Variants in NFIX observed in about 807,000 individuals in gnomAD.
NFIX encodes nuclear factor 1 X-type.
NFIX carries 2 observed loss-of-function variants against 53.3 expected under a neutral mutation model. The ratio of observed to expected loss-of-function variants is 0.04; its 90% CI spans 0.02 to 0.12. NFIX has a LOEUF of 0.12. Among genes scored for constraint, NFIX ranks in the 10% least tolerant of loss-of-function variants. NFIX has a pLI of 1.00. For synonymous variants in NFIX, 244 were observed against 289.0 expected, an observed-to-expected ratio of 0.84 and a Z score of 1.58; for missense variants, 310 against 674.5, an observed-to-expected ratio of 0.46 and a Z score of 5.99.
In NFIX at chr19:13,021,599, G is replaced by A. The variant is rs2012955362; in HGVS notation, c.28-3422G>A. On this transcript the variant is annotated intron_variant, in intron 1 of 10. Coordinates refer to ENST00000592199, the MANE Select transcript of NFIX (RefSeq NM_001365902.3). This position sits in a 1 kb window ranked among gnomAD's most constrained non-coding sequence, Gnocchi z 4.2. ...AGGGAGAGGGCGGCTGTAGGGATGG[G>A]GTTCTGAGTGGAATTGGATCCCTTT... Among the ~76,000 whole-genome samples the A allele has an allele frequency of 6.6e-6, 1 of 152,174 alleles. No individual in the cohort carries two copies. The highest frequency in any genetic ancestry group is 6.5e-5 in the Admixed American group (1 of 15,280).
Position 13,014,802 on chromosome 19 carries a change from T to C in NFIX, c.28-10219T>C, listed in dbSNP as rs1185932743. On this transcript the variant is annotated intron_variant, in intron 1 of 10. Transcript: ENST00000592199. This position sits in a 1 kb window ranked among gnomAD's most constrained non-coding sequence, Gnocchi z 4.4. The stretch of plus-strand genomic sequence containing the variant: ...CCAGGGCCAGTGGCTGAGCACGGCC[T>C]GGAGAGATGTGGGAGTTGGGGAAAG... Among the ~76,000 whole-genome samples the C allele has an allele frequency of 1.3e-5, 2 of 152,112 alleles. No homozygotes were observed. The highest frequency in any genetic ancestry group is 4.8e-5 in the African/African-American group (2 of 41,428).
rs367872888 is a variant in NFIX, at chr19:13,067,506, A to G, written c.560-5541A>G. Among the ~76,000 whole-genome samples the G allele has an allele frequency of 1.1e-4, 13 of 122,496 alleles. No homozygotes were observed. The highest frequency in any genetic ancestry group is 4.9e-4 in the South Asian group (2 of 4,046). 80.4% of individuals were successfully genotyped at this position (122,496 alleles called of 152,430 possible). On this transcript the variant is annotated intron_variant, in intron 2 of 10. Transcript: ENST00000592199. This position sits in a 1 kb window ranked among gnomAD's most constrained non-coding sequence, Gnocchi z 4.2. ...TGCGTGTGTGTGTGTGTGTGTGTGT[A>G]TGTGTGTGTCTGAGTCTGAGCATAT...
Position 13,009,894 on chromosome 19 carries a change from C to T in NFIX, c.27+14030C>T, listed in dbSNP as rs981312150. Among the ~76,000 whole-genome samples, 4 of 152,086 alleles carry T rather than the reference C, an allele frequency of 2.6e-5. No individual in the cohort carries two copies. Among genetic ancestry groups the T allele is most frequent in the South Asian group, 2.1e-4 (1 of 4,828 alleles). The stretch of plus-strand genomic sequence containing the variant: ...GGGGGATTTGGTGGTAGAACGGGGC[C>T]GGGGGTCTTCAAAGGCAGAGAAGTC... On this transcript the variant is annotated intron_variant, in intron 1 of 10. Transcript: ENST00000592199. The surrounding 1 kb of genome is among the most constrained non-coding windows in gnomAD (Gnocchi z 4.7).
Position 13,037,346 on chromosome 19 carries a change from C to T in NFIX, c.559+11794C>T, listed in dbSNP as rs546275385. Among the ~76,000 whole-genome samples, 20 of 152,288 alleles carry T rather than the reference C, an allele frequency of 1.3e-4. No homozygotes were observed. The East Asian group carries it at 2.9e-3, about 22-fold the overall frequency. On this transcript the variant is annotated intron_variant, in intron 2 of 10. Transcript: ENST00000592199. The surrounding 1 kb of genome is among the most constrained non-coding windows in gnomAD (Gnocchi z 4.2). ...GGGCATGACCACTTCCCCTACCAGA[C>T]GTAGTAGGCCAGTTTCAGCCTTAGT... is the stretch of plus-strand genomic sequence containing the variant.
intron 2 of NFIX, among the ~76,000 whole-genome samples, chr19:13,055,205 C>T (rs1473730390): frequency 6.6e-6 from 1 of 152,004 alleles, no homozygotes. Context: ...CCCATCCAAG[C>T]GCCAGGCACA....
chr19:13,045,437 G>A lies in NFIX; in HGVS notation c.559+19885G>A, dbSNP rs182874087. 1.1e-3 allele frequency among the ~76,000 whole-genome samples: 162 copies of A among 152,188 alleles called. No individual in the cohort carries two copies. The highest frequency in any genetic ancestry group is 3.6e-3 in the African/African-American group (151 of 41,496). On this transcript the variant is annotated intron_variant, in intron 2 of 10. Coordinates refer to ENST00000592199, the MANE Select transcript of NFIX (RefSeq NM_001365902.3). The surrounding 1 kb of genome is among the most constrained non-coding windows in gnomAD (Gnocchi z 4.4). ...GTGGGTGGAGGCTGGGATGCTGCTA[G>A]CTGTCCTACACTGCACAAGACGACC...
chr19:13,084,822 C>A (rs762580531), intron 8 of NFIX, among the ~76,000 whole-genome samples: 9 of 152,118 alleles, frequency 5.9e-5, no homozygotes, highest in Non-Finnish European at 1.3e-4. Context: ...GTAATCCCAG[C>A]ACTTTGGGAG....
rs1332291949 is a variant in NFIX, at chr19:13,067,138, G to A, written c.560-5909G>A. Among the ~76,000 whole-genome samples the A allele has an allele frequency of 1.8e-4, 27 of 152,230 alleles. No individual in the cohort carries two copies. The highest frequency in any genetic ancestry group is 1.8e-3 in the Admixed American group (27 of 15,290). On this transcript the variant is annotated intron_variant, in intron 2 of 10. Transcript: ENST00000592199. The surrounding 1 kb of genome is among the most constrained non-coding windows in gnomAD (Gnocchi z 4.2). ...GACGCTCCAGAATCTCAGAGGAAGC[G>A]GGAGAGAAGTAGGAGGCGGGTGCAG...
Position 13,073,791 on chromosome 19 carries a change from C to T in NFIX, c.698-115C>T. The stretch of plus-strand genomic sequence containing the variant: ...CCAGATGGCCCACTTTCTCCCATCT[C>T]CTGGCCCCACAGTAAACTCACCCTG... On this transcript the variant is annotated intron_variant, in intron 4 of 10. Coordinates refer to ENST00000592199, the MANE Select transcript of NFIX (RefSeq NM_001365902.3). This position sits in a 1 kb window ranked among gnomAD's most constrained non-coding sequence, Gnocchi z 4.5. 1 of 1,417,530 alleles carries T rather than the reference C, an allele frequency of 7.1e-7. No individual in the cohort carries two copies. The highest frequency in any genetic ancestry group is 2.4e-5 in the East Asian group (1 of 40,900). 87.8% of individuals were successfully genotyped at this position (1,417,530 alleles called of 1,614,324 possible). A position where few individuals can be genotyped will look rare whatever the true frequency, so the allele number is the denominator to read the frequency against.
rs1361942807 is a variant in NFIX at position 13,025,145 on chromosome 19, A to G, written c.152A>G (p.Asp51Gly). 2 of 1,614,112 alleles carry G rather than the reference A, an allele frequency of 1.2e-6. No individual in the cohort carries two copies. The highest frequency in any genetic ancestry group is 1.7e-6 in the Non-Finnish European group (2 of 1,180,054). ...AAGCATGAAAAGCGGATGTCGAAGG[A>G]CGAGGAGCGGGCGGTGAAGGACGAG... The part of the protein sequence containing the change: ...FKKHEKRMSK[D>G]EERAVKDELL... The change falls in exon 2 of 11, where the codon GAC becomes GGC. Residue 51 changes from aspartate (D) to glycine (G), a missense_variant. Coordinates refer to ENST00000592199, the MANE Select transcript of NFIX (RefSeq NM_001365902.3). The surrounding 1 kb of genome is among the most constrained non-coding windows in gnomAD (Gnocchi z 7.5).
chr19:13,024,953 C>A (rs1318724344), intron 1 of NFIX, 68 bp from the exon 2 acceptor site: 2 of 1,543,348 alleles, frequency 1.3e-6, no homozygotes, highest in African/African-American at 2.7e-5. Flanking sequence ...TCTCTCTTTC[C>A]CCCTCATCCC....
At chr19:13,020,609 A>G (rs975830065) in intron 1 of NFIX, among the ~76,000 whole-genome samples, 3 of 152,076 alleles carry the variant, frequency 2.0e-5, no homozygotes, top group East Asian at 1.9e-4. Context: ...ACAATTGACA[A>G]TTGTTCTTCC....
Position 13,073,556 on chromosome 19 carries a change from C to A in NFIX, c.697+60C>A. The A allele has an allele frequency of 6.9e-7, 1 of 1,455,694 alleles. No individual in the cohort carries two copies. The highest frequency in any genetic ancestry group is 1.4e-5 in the African/African-American group (1 of 71,768). The allele number at this position is 1,455,694 out of a possible 1,614,324, so 90.2% of individuals were successfully genotyped here. On this transcript the variant is annotated intron_variant, in intron 4 of 10. Transcript: ENST00000592199. The surrounding 1 kb of genome is among the most constrained non-coding windows in gnomAD (Gnocchi z 4.5). ...GATTGAAAGTGAGGAGGTGGGACCT[C>A]ATGGGATGTCCTCCTAATGGGGTCT...
chr19:13,054,057 C>T (rs866452144), intron 2 of NFIX, among the ~76,000 whole-genome samples: 3 of 152,210 alleles, frequency 2.0e-5, no homozygotes, highest in South Asian at 2.1e-4. Flanking sequence ...GCTCCTCCCC[C>T]ACCCAGCCTG....
chr19:13,017,465 G>T (rs1343097829), intron 1 of NFIX, among the ~76,000 whole-genome samples: 2 of 152,220 alleles, frequency 1.3e-5, no homozygotes, highest in Non-Finnish European at 2.9e-5. Context: ...GGACCGAGGG[G>T]TGCCAGGCCG....
intron 2 of NFIX, among the ~76,000 whole-genome samples, chr19:13,059,665 T>A (rs2015929519): frequency 6.6e-6 from 1 of 150,448 alleles, no homozygotes; most frequent in Non-Finnish European, 1.5e-5. Context: ...GGAACCCTAC[T>A]GGAGTGGCCA....
chr19:13,054,816 G>A (rs1237743519), intron 2 of NFIX, among the ~76,000 whole-genome samples: 1 of 152,082 alleles, frequency 6.6e-6, no homozygotes, highest in African/African-American at 2.4e-5. Context: ...CCAGCTTTTG[G>A]AGAACACTTT....
intron 2 of NFIX, among the ~76,000 whole-genome samples, chr19:13,035,546 C>T (rs1018246862): frequency 2.0e-5 from 3 of 152,014 alleles, no homozygotes; most frequent in African/African-American, 7.3e-5. Context: ...GCATGAGACA[C>T]GGAGACCAGA....
chr19:13,079,678 G>A (rs922545628), intron 7 of NFIX, among the ~76,000 whole-genome samples: 1 of 152,036 alleles, frequency 6.6e-6, no homozygotes, highest in Non-Finnish European at 1.5e-5. Flanking sequence ...AGGTGGGGGT[G>A]GGGAGCCCAG....
Sources: gnomAD v4.1 joint callset for allele counts (sites outside exome capture counted in the v4.1 genomes callset) on GRCh38, gnomAD v4.1.1 for gene constraint, Gnocchi (gnomAD v3.1) non-coding constraint, MANE v1.5 for transcripts, NCBI Gene and HGNC (gene_info 2026-07-23, HGNC 2026-07-21) for gene names.